PLAGL1: variants seen among roughly 807,000 people sequenced by gnomAD.
The protein encoded by PLAGL1 is PLAG1 like zinc finger 1, also known as zinc finger protein PLAGL1.
Under a neutral mutation model 4.6 loss-of-function variants are expected in PLAGL1, and 1 was observed. That is an observed-to-expected ratio of 0.22 (90% CI 0.08 to 1.03). The LOEUF (loss-of-function observed/expected upper bound fraction) is 1.03, where lower values mean the gene tolerates loss of function less well. Ranked by LOEUF, PLAGL1 falls within the 50% of genes least tolerant of loss-of-function variation. PLAGL1 has a pLI of 0.58. For missense variants in PLAGL1, 464 were observed against 570.4 expected (o/e 0.81, Z 1.90); for synonymous variants, 240 against 237.8 (o/e 1.01, Z -0.08).
rs528845117 is a variant in PLAGL1, at chr6:144,055,942, T to C, written c.-151+8526A>G. 6.6e-6 allele frequency among the ~76,000 whole-genome samples: 1 copy of C among 152,310 alleles called. No individual in the cohort carries two copies. Among genetic ancestry groups the C allele is most frequent in the Non-Finnish European group, 1.5e-5 (1 of 68,016 alleles). On this transcript the variant is annotated intron_variant, in intron 1 of 3. Transcript: ENST00000437412. The surrounding 1 kb of genome is among the most constrained non-coding windows in gnomAD (Gnocchi z 5.0). The stretch of plus-strand genomic sequence containing the variant: ...TAACCTTCAAAAGCTCATAAAATAG[T>C]AGTGCTCTTACTTTTGAAAGCAGAT...
rs1459494614 is a variant in PLAGL1, at chr6:143,996,275, T to A, written c.-583-11101A>T. On this transcript the variant is annotated intron_variant, in intron 1 of 7. Coordinates refer to ENST00000674357, the MANE Select transcript of PLAGL1 (RefSeq NM_001317162.2). ...GGAGAATCCTATCACAGAGCTGCGA[T>A]GTCTGCATGTATGATTACAAGCAAA... is the stretch of plus-strand genomic sequence containing the variant. Among the ~76,000 whole-genome samples, 16 of 152,222 alleles carry A rather than the reference T, an allele frequency of 1.1e-4. No homozygotes were observed. The South Asian group carries it at 1.2e-3, about 12-fold the overall frequency.
Position 144,061,228 on chromosome 6 carries a change from G to A in PLAGL1, c.-151+3240C>T, listed in dbSNP as rs762776379. 2.0e-5 allele frequency among the ~76,000 whole-genome samples: 3 copies of A among 152,194 alleles called. No individual in the cohort carries two copies. The highest frequency in any genetic ancestry group is 1.9e-4 in the East Asian group (1 of 5,204). ...CCATAGCATGGAGCAGAAGAAACAC[G>A]CAGGACTAAATTCCAAAAGGGAGCC... On this transcript the variant is annotated intron_variant, in intron 1 of 3. Coordinates refer to the PLAGL1 transcript ENST00000437412. This position sits in a 1 kb window ranked among gnomAD's most constrained non-coding sequence, Gnocchi z 4.4.
chr6:143,976,285 C>CTTTTTTTTTTT (rs58569870), intron 2 of PLAGL1, among the ~76,000 whole-genome samples: 7 of 113,254 alleles, frequency 6.2e-5, no homozygotes, highest in Non-Finnish European at 8.8e-5. Flanking sequence ...GATTTCTTTT[C>CTTTTTTTTTTT]TTTTTTTTTT....
rs1271276153 is a variant in PLAGL1 at position 143,952,829 on chromosome 6, T to C, written c.-324-4369A>G. 2.0e-5 allele frequency among the ~76,000 whole-genome samples: 3 copies of C among 152,228 alleles called. No homozygotes were observed. The highest frequency in any genetic ancestry group is 4.4e-5 in the Non-Finnish European group (3 of 68,030). The stretch of plus-strand genomic sequence containing the variant: ...CTGAGAGGAAAGTGAATTTCCACTT[T>C]TGGTCTTCCAACAAGGGTGTTTTTC... On this transcript the variant is annotated intron_variant, in intron 6 of 7. Coordinates refer to ENST00000674357, the MANE Select transcript of PLAGL1 (RefSeq NM_001317162.2). The surrounding 1 kb of genome is among the most constrained non-coding windows in gnomAD (Gnocchi z 6.1).
In PLAGL1 at chr6:143,942,538, C is replaced by T. The variant is rs1256246275; in HGVS notation, c.278G>A (p.Cys93Tyr). The T allele has an allele frequency of 3.1e-6, 5 of 1,614,188 alleles. No individual in the cohort carries two copies. The highest frequency in any genetic ancestry group is 4.2e-6 in the Non-Finnish European group (5 of 1,180,032). ...GTTGTACTTCTTCCCACACTCCTCA[C>T]ACCCAAAGGCCATTTTGTTGGGGTC... ...THDPNKMAFG[C>Y]EECGKKYNTM... The change falls in exon 8 of 8, where the codon TGT (cysteine) becomes TAT (tyrosine). Residue 93 changes from cysteine to tyrosine, a missense_variant. This residue lies in a region of PLAGL1 where 161 missense variants were observed against 196.7 expected (regional missense o/e 0.82). Transcript: ENST00000674357. The surrounding 1 kb of genome is among the most constrained non-coding windows in gnomAD (Gnocchi z 7.6).
At position 143,957,026 on chromosome 6, in the gene PLAGL1, G is replaced by T. The variant is rs1462154660; in HGVS notation, c.-325+3443C>A. Among the ~76,000 whole-genome samples the T allele has an allele frequency of 6.6e-6, 1 of 152,220 alleles. No individual in the cohort carries two copies. The highest frequency in any genetic ancestry group is 1.5e-5 in the Non-Finnish European group (1 of 68,052). On this transcript the variant is annotated intron_variant, in intron 6 of 7. Transcript: ENST00000674357. This position sits in a 1 kb window ranked among gnomAD's most constrained non-coding sequence, Gnocchi z 4.2. ...AGGGCCAAAGGCCTTCTTCCAGATG[G>T]GTCATCCAGTATAGTACCCACCAGG...
At chr6:144,038,187 A>T (rs1054819108) in intron 1 of PLAGL1, among the ~76,000 whole-genome samples, 7 of 152,218 alleles carry the variant, frequency 4.6e-5, no homozygotes, top group African/African-American at 1.7e-4. Flanking sequence ...AAGCACAAAA[A>T]ATAAAGCTAC....
In PLAGL1 at chr6:144,022,148, G is replaced by A. The variant is rs1409551217; in HGVS notation, c.-151+42320C>T. On this transcript the variant is annotated intron_variant, in intron 1 of 3. Transcript: ENST00000437412. This position sits in a 1 kb window ranked among gnomAD's most constrained non-coding sequence, Gnocchi z 4.2. ...AGAATTATTTGCAAATCACATATCTGAGAAATAACTTATATTAAATATACA... is the reference window on the plus strand; with the variant it reads ...AGAATTATTTGCAAATCACATATCTAAGAAATAACTTATATTAAATATACA... Among the ~76,000 whole-genome samples the A allele has an allele frequency of 1.3e-5, 2 of 151,466 alleles. No homozygotes were observed. The highest frequency in any genetic ancestry group is 2.9e-5 in the Non-Finnish European group (2 of 68,030).
In PLAGL1 at chr6:144,000,498, TATC is replaced by T. The variant is rs1481072601; in HGVS notation, c.-584+7589_-584+7591del. 6.6e-6 allele frequency among the ~76,000 whole-genome samples: 1 copy of T among 152,164 alleles called. No homozygotes were observed. The highest frequency in any genetic ancestry group is 1.5e-5 in the Non-Finnish European group (1 of 67,990). On this transcript the variant is annotated intron_variant, in intron 1 of 7. Transcript: ENST00000674357. This position sits in a 1 kb window ranked among gnomAD's most constrained non-coding sequence, Gnocchi z 4.1. ...AAAATATGTACAAGTCCTTTATTTATATCATATCATTGAAGGACACAAAAAGGA... is the reference window on the plus strand; with the variant it reads ...AAAATATGTACAAGTCCTTTATTTATATATCATTGAAGGACACAAAAAGGA...
In PLAGL1 at chr6:143,973,469, AAAC is replaced by A. The variant is rs1006311785; in HGVS notation, c.-543-4494_-543-4492del. On this transcript the variant is annotated intron_variant, in intron 2 of 7. Transcript: ENST00000674357. This position sits in a 1 kb window ranked among gnomAD's most constrained non-coding sequence, Gnocchi z 6.2. ...TAGTTCATCCAAGGTCAGAGGGAGA[AAAC>A]AAGCACGGGGGGAAGTCCTCTGCTT... Among the ~76,000 whole-genome samples, 1 of 152,190 alleles carries A rather than the reference AAAC, an allele frequency of 6.6e-6. No homozygotes were observed. The highest frequency in any genetic ancestry group is 1.5e-5 in the Non-Finnish European group (1 of 68,022).
chr6:144,011,664 TC>T (rs923041311), upstream of PLAGL1, among the ~76,000 whole-genome samples: 1 of 152,228 alleles, frequency 6.6e-6, no homozygotes, highest in Admixed American at 6.5e-5. This position sits in a 1 kb window ranked among gnomAD's most constrained non-coding sequence, Gnocchi z 4.3. Context: ...ATCTACTTGT[TC>T]TGTGATCCAA....
rs1268882447 is a variant in PLAGL1, at chr6:143,973,326, G to T, written c.-543-4348C>A. On this transcript the variant is annotated intron_variant, in intron 2 of 7. Transcript: ENST00000674357. The surrounding 1 kb of genome is among the most constrained non-coding windows in gnomAD (Gnocchi z 6.2). ...CAGGTTTCCTTGAGACAAGGAGAGG[G>T]CTCAGCAGACCACCTCATGGTTTAA... Among the ~76,000 whole-genome samples, 1 of 152,148 alleles carries T rather than the reference G, an allele frequency of 6.6e-6. No individual in the cohort carries two copies. Among genetic ancestry groups the T allele is most frequent in the African/African-American group, 2.4e-5 (1 of 41,426 alleles).
At chr6:144,018,491 A>G (rs1190374399) in intron 1 of PLAGL1, among the ~76,000 whole-genome samples, 1 of 152,208 alleles carries the variant, frequency 6.6e-6, no homozygotes, top group Non-Finnish European at 1.5e-5. Flanking sequence ...AATATAATTT[A>G]TTGTATACTT....
intron 1 of PLAGL1, among the ~76,000 whole-genome samples, chr6:144,023,270 AT>A (rs1022581734): frequency 5.9e-5 from 9 of 151,526 alleles, no homozygotes; most frequent in Non-Finnish European, 1.2e-4. Context: ...GGATTTGGGG[AT>A]TTTTTTTTAG....
rs1489678734 is a variant in PLAGL1 at position 143,985,114 on chromosome 6, G to A, written c.-544+21C>T. 6.6e-6 allele frequency: 1 copy of A among 152,124 alleles called. No individual in the cohort carries two copies. Among genetic ancestry groups the A allele is most frequent in the Non-Finnish European group, 1.5e-5 (1 of 67,998 alleles). 9.4% of individuals were successfully genotyped at this position (152,124 alleles called of 1,614,324 possible). On this transcript the variant is annotated intron_variant, in intron 2 of 7. Coordinates refer to ENST00000674357, the MANE Select transcript of PLAGL1 (RefSeq NM_001317162.2). This position sits in a 1 kb window ranked among gnomAD's most constrained non-coding sequence, Gnocchi z 4.4. ...AAGGTATTGGGGGAAGAGGATAAAA[G>A]AAACTGAAATATCAGCTTACAAAAG...
Position 143,958,709 on chromosome 6 carries a change from T to C in PLAGL1, c.-325+1760A>G, listed in dbSNP as rs1782704530. Among the ~76,000 whole-genome samples, 1 of 152,226 alleles carries C rather than the reference T, an allele frequency of 6.6e-6. No individual in the cohort carries two copies. Among genetic ancestry groups the C allele is most frequent in the Non-Finnish European group, 1.5e-5 (1 of 68,034 alleles). On this transcript the variant is annotated intron_variant, in intron 6 of 7. Transcript: ENST00000674357. The surrounding 1 kb of genome is among the most constrained non-coding windows in gnomAD (Gnocchi z 5.1). ...CACTGGTCCTTTAAGATTATCCTGA[T>C]TCTTGATTTTTTCTTTTTAAACTGA...
At position 144,036,708 on chromosome 6, in the gene PLAGL1, G is replaced by T; in HGVS notation, c.-151+27760C>A. ...ACTCAGGGACGAAAGAAAGAGGAAA[G>T]AATGGAAAAAGTGAAACTACAGAAC... On this transcript the variant is annotated intron_variant, in intron 1 of 3. Transcript: ENST00000437412. The surrounding 1 kb of genome is among the most constrained non-coding windows in gnomAD (Gnocchi z 5.1). 3.6e-6 allele frequency: 1 copy of T among 276,958 alleles called. No homozygotes were observed. Among genetic ancestry groups the T allele is most frequent in the Non-Finnish European group, 6.9e-6 (1 of 145,258 alleles). 17.2% of individuals were successfully genotyped at this position (276,958 alleles called of 1,614,324 possible). A position where few individuals can be genotyped will look rare whatever the true frequency, so the allele number is the denominator to read the frequency against.
In PLAGL1 at chr6:143,952,505, G is replaced by T. The variant is rs1031894708; in HGVS notation, c.-324-4045C>A. On this transcript the variant is annotated intron_variant, in intron 6 of 7. Coordinates refer to ENST00000674357, the MANE Select transcript of PLAGL1 (RefSeq NM_001317162.2). This position sits in a 1 kb window ranked among gnomAD's most constrained non-coding sequence, Gnocchi z 6.1. ...CAGATCTGCCAGTATGCCAAAGAAG[G>T]CTTGTGCCATCTGCTTCGTTCTGCT... is the stretch of plus-strand genomic sequence containing the variant. Among the ~76,000 whole-genome samples, 2 of 152,192 alleles carry T rather than the reference G, an allele frequency of 1.3e-5. No individual in the cohort carries two copies. Among genetic ancestry groups the T allele is most frequent in the Non-Finnish European group, 2.9e-5 (2 of 68,030 alleles).
chr6:143,942,458 G>C lies in PLAGL1; in HGVS notation c.358C>G (p.Leu120Val). The change falls in exon 8 of 8, where the codon CTC becomes GTC. Residue 120 changes from leucine to valine, a missense_variant. This residue lies in a region of PLAGL1 where 161 missense variants were observed against 196.7 expected (regional missense o/e 0.82). Coordinates refer to ENST00000674357, the MANE Select transcript of PLAGL1 (RefSeq NM_001317162.2). The surrounding 1 kb of genome is among the most constrained non-coding windows in gnomAD (Gnocchi z 7.6). ...TCCAGGGCACAGACCCCACAGGTGA[G>C]GTCCCCACTGCTGGCCGCATGGAGG... Reference protein sequence around the residue: ...LALHAASSGDLTCGVCALELG... With the variant: ...LALHAASSGDVTCGVCALELG... 1 of 1,614,158 alleles carries C rather than the reference G, an allele frequency of 6.2e-7. No individual in the cohort carries two copies. Among genetic ancestry groups the C allele is most frequent in the Non-Finnish European group, 8.5e-7 (1 of 1,180,016 alleles).
Sources: allele counts gnomAD v4.1 joint callset (sites outside exome capture counted in the v4.1 genomes callset), GRCh38; gene constraint gnomAD v4.1.1; regional missense constraint gnomAD v4.1.1; non-coding constraint Gnocchi (gnomAD v3.1); transcripts MANE v1.5; gene names NCBI Gene and HGNC (gene_info 2026-07-23, HGNC 2026-07-21).